ZMYM4: variants seen among roughly 807,000 people sequenced by gnomAD.
ZMYM4 encodes the protein zinc finger MYM-type containing 4, also known as zinc finger MYM-type protein 4.
A neutral mutation model predicts 183.2 loss-of-function variants in ZMYM4; 31 were observed. That is an observed-to-expected ratio of 0.17 (90% CI 0.13 to 0.23). ZMYM4 has a LOEUF of 0.23. ZMYM4 is among the 10% of genes least tolerant of loss of function. The pLI is 1.00. For missense variants in ZMYM4, 1,273 were observed against 1,840.3 expected, an observed-to-expected ratio of 0.69 and a Z score of 5.64; for synonymous variants, 592 against 631.2, an observed-to-expected ratio of 0.94 and a Z score of 0.93.
chr1:35,333,945 A>G (rs1177387410), intron 2 of ZMYM4, among the ~76,000 whole-genome samples: 11 of 152,048 alleles, frequency 7.2e-5, no homozygotes, highest in Admixed American at 5.9e-4. Context: ...ACAATGAACA[A>G]TGATACATTA....
chr1:35,337,553 A>G (rs1643025233), intron 2 of ZMYM4, among the ~76,000 whole-genome samples: 1 of 152,196 alleles, frequency 6.6e-6, no homozygotes, highest in African/African-American at 2.4e-5. Context: ...GAGGTTGGCA[A>G]ACTTTTTCTC....
intron 28 of ZMYM4, among the ~76,000 whole-genome samples, chr1:35,416,809 C>A (rs1640133588): frequency 6.6e-6 from 1 of 152,132 alleles, no homozygotes; most frequent in Non-Finnish European, 1.5e-5. Flanking sequence ...GGTGATCCAC[C>A]CGCCTCGGCC....
At chr1:35,411,781 GT>G (rs1264719844) in intron 26 of ZMYM4, among the ~76,000 whole-genome samples, 1 of 152,168 alleles carries the variant, frequency 6.6e-6, no homozygotes, top group East Asian at 1.9e-4. Context: ...GCTTTCAGCA[GT>G]TTTTTGTGGT....
intron 1 of ZMYM4, among the ~76,000 whole-genome samples, chr1:35,283,854 A>G (rs1013074687): frequency 4.6e-5 from 7 of 151,932 alleles, no homozygotes; most frequent in Non-Finnish European, 8.8e-5. Context: ...AATTGTTTTT[A>G]TATTCTAAAT....
At position 35,397,381 on chromosome 1, in the gene ZMYM4, C is replaced by T. The variant is rs1488621272; in HGVS notation, c.3035C>T (p.Pro1012Leu). 3 of 1,588,142 alleles carry T rather than the reference C, an allele frequency of 1.9e-6. No homozygotes were observed. The highest frequency in any genetic ancestry group is 2.6e-6 in the Non-Finnish European group (3 of 1,168,338). Residue 1012 changes from proline (P) to leucine (L), a missense_variant, in exon 20 of 30, where the codon CCT (proline) becomes CTT (leucine). Physicochemically the swap from Pro to Leu is moderately conservative, Grantham distance 98. Coordinates refer to ENST00000314607, the MANE Select transcript of ZMYM4 (RefSeq NM_005095.3). The part of the protein sequence containing the change: ...PVPFGIPVPM[P>L]VPMLIPSSMD... The stretch of plus-strand genomic sequence containing the variant: ...AGTCTATCCTTGGTCTTTCAGATGC[C>T]TGTCCCTATGCTTATTCCATCTTCA...
intron 1 of ZMYM4, among the ~76,000 whole-genome samples, chr1:35,284,163 A>C (rs1640349490): frequency 6.6e-6 from 1 of 151,436 alleles, no homozygotes; most frequent in Non-Finnish European, 1.5e-5. Flanking sequence ...TTTTTAGTAG[A>C]GACGGGGTTT....
At chr1:35,281,969 T>C (rs371874931) in intron 1 of ZMYM4, among the ~76,000 whole-genome samples, 3 of 152,260 alleles carry the variant, frequency 2.0e-5, no homozygotes, top group Non-Finnish European at 4.4e-5. Flanking sequence ...CATCCAGTTA[T>C]AGTATGTATC....
intron 25 of ZMYM4, among the ~76,000 whole-genome samples, chr1:35,405,943 A>T (rs1644995475): frequency 6.6e-6 from 1 of 152,192 alleles, no homozygotes; most frequent in South Asian, 2.1e-4. Context: ...TAAGGCCCAC[A>T]TTAGTTTTCA....
intron 8 of ZMYM4, 42 bp from the exon 9 acceptor site, chr1:35,381,504 T>C (rs772785522): frequency 1.9e-6 from 3 of 1,613,048 alleles, no homozygotes; most frequent in Non-Finnish European, 2.5e-6. Context: ...CTTTTGATGC[T>C]CTCTGCTCCT....
Position 35,415,374 on chromosome 1 carries a change from C to G in ZMYM4, c.4061-92C>G, listed in dbSNP as rs925202720. On this transcript the variant is annotated intron_variant, in intron 27 of 29. Coordinates refer to ENST00000314607, the MANE Select transcript of ZMYM4 (RefSeq NM_005095.3). Reference sequence around the variant, plus strand: ...GGAAAGAGGAATAGTCAGTTTTTCTCTTTATATCTCCCTGTCTTAGAATTT... The same window carrying G: ...GGAAAGAGGAATAGTCAGTTTTTCTGTTTATATCTCCCTGTCTTAGAATTT... The G allele has an allele frequency of 7.9e-6, 12 of 1,521,846 alleles. No individual in the cohort carries two copies. The South Asian group carries it at 1.3e-4, about 16-fold the overall frequency. The allele number at this position is 1,521,846 out of a possible 1,614,324, so 94.3% of individuals were successfully genotyped here.
intron 27 of ZMYM4, among the ~76,000 whole-genome samples, chr1:35,414,470 G>A (rs541872773): frequency 6.6e-6 from 1 of 152,266 alleles, no homozygotes; most frequent in South Asian, 2.1e-4. Context: ...TCTTTGACCA[G>A]ATGTCATCAG....
In ZMYM4 at chr1:35,389,443, G is replaced by C. The variant is rs1315504330; in HGVS notation, c.2436+361G>C. The stretch of plus-strand genomic sequence containing the variant: ...ATAGAGTGAAGTCTGTATGTTACAT[G>C]TGTTTTTTAAAAAAAATTAGTATAA... On this transcript the variant is annotated intron_variant, in intron 14 of 29. Transcript: ENST00000314607. The surrounding 1 kb of genome is among the most constrained non-coding windows in gnomAD (Gnocchi z 4.0). Among the ~76,000 whole-genome samples the C allele has an allele frequency of 1.3e-5, 2 of 152,000 alleles. No individual in the cohort carries two copies. Among genetic ancestry groups the C allele is most frequent in the African/African-American group, 4.8e-5 (2 of 41,390 alleles).
At chr1:35,326,494 G>A (rs1166306045) in intron 2 of ZMYM4, among the ~76,000 whole-genome samples, 1 of 152,148 alleles carries the variant, frequency 6.6e-6, no homozygotes, top group Admixed American at 6.5e-5. Flanking sequence ...CTCACTGAGT[G>A]CATCATTTAT....
chr1:35,418,373 A>G (rs1640206695), intron 28 of ZMYM4, 70 bp from the exon 29 acceptor site: 3 of 1,542,000 alleles, frequency 1.9e-6, no homozygotes, highest in Middle Eastern at 1.9e-4. Flanking sequence ...AGCAAAGCTC[A>G]TTGGTGTCTT....
intron 1 of ZMYM4, among the ~76,000 whole-genome samples, chr1:35,321,012 T>C (rs1557995740): frequency 1.3e-5 from 2 of 151,986 alleles, no homozygotes; most frequent in South Asian, 2.1e-4. Flanking sequence ...AAGCGCTCCT[T>C]TTTATTGATT....
Position 35,359,264 on chromosome 1 carries a change from T to G in ZMYM4, c.425T>G (p.Phe142Cys). 1 of 1,608,976 alleles carries G rather than the reference T, an allele frequency of 6.2e-7. No homozygotes were observed. Among genetic ancestry groups the G allele is most frequent in the South Asian group, 1.1e-5 (1 of 89,562 alleles). Residue 142 changes from phenylalanine to cysteine, a missense_variant, in exon 3 of 30, where the codon TTT (phenylalanine) becomes TGT (cysteine). By Grantham distance (205) the Phe-to-Cys change is radical. Transcript: ENST00000314607. Reference sequence around the variant, plus strand: ...TTAAAAAAAGACTTTCCTAAACAATTTGATCAGGTTTCTGTCTTTAAATCA... The same window carrying G: ...TTAAAAAAAGACTTTCCTAAACAATGTGATCAGGTTTCTGTCTTTAAATCA... ...NKLKKDFPKQ[F>C]DQVSVFKSIR...
chr1:35,407,987 A>C (rs1410015957), intron 25 of ZMYM4, 21 bp from the exon 26 acceptor site: 39 of 1,613,734 alleles, frequency 2.4e-5, no homozygotes, highest in Non-Finnish European at 3.2e-5. Flanking sequence ...AATGTTTCAG[A>C]TGTTTTCTAC....
At chr1:35,325,692 C>T (rs1642476353) in intron 2 of ZMYM4, among the ~76,000 whole-genome samples, 2 of 151,900 alleles carry the variant, frequency 1.3e-5, no homozygotes, top group African/African-American at 2.4e-5. Context: ...TTAAGGGTTT[C>T]TACTTGGGTT....
At chr1:35,360,377 C>T (rs1219041188) in intron 3 of ZMYM4, among the ~76,000 whole-genome samples, 1 of 151,930 alleles carries the variant, frequency 6.6e-6, no homozygotes, top group African/African-American at 2.4e-5. Flanking sequence ...AATAAATGTT[C>T]AATAGCTGTG....
Sources: gnomAD v4.1 joint callset for allele counts (sites outside exome capture counted in the v4.1 genomes callset) on GRCh38, gnomAD v4.1.1 for gene constraint, Gnocchi (gnomAD v3.1) non-coding constraint, MANE v1.5 for transcripts, NCBI Gene and HGNC (gene_info 2026-07-23, HGNC 2026-07-21) for gene names.